Variants in PSMA1 observed in about 807,000 individuals in gnomAD.
The protein encoded by PSMA1 is proteasome subunit alpha type-1.
A neutral mutation model predicts 38.4 loss-of-function variants in PSMA1; 3 were observed. The ratio of observed to expected loss-of-function variants is 0.08; its 90% CI spans 0.04 to 0.20. The LOEUF is 0.20. Ranked by LOEUF, PSMA1 falls within the 10% of genes least tolerant of loss-of-function variation. The pLI, the probability that PSMA1 is intolerant of heterozygous loss-of-function variation, is 1.00. For missense variants in PSMA1, 227 were observed against 325.3 expected (o/e 0.70, Z 2.32); for synonymous variants, 101 against 107.1 (o/e 0.94, Z 0.35).
chr11:14,591,802 G>A (rs1029180144), intron 2 of PSMA1, among the ~76,000 whole-genome samples: 1 of 152,172 alleles, frequency 6.6e-6, no homozygotes, highest in African/African-American at 2.4e-5. Flanking sequence ...TCAGCAGGAT[G>A]TGGGTGGGGC....
chr11:14,523,096 T>C (rs574748619), upstream of PSMA1, among the ~76,000 whole-genome samples: 1 of 152,306 alleles, frequency 6.6e-6, no homozygotes, highest in South Asian at 2.1e-4. Context: ...TTGTCTGTAC[T>C]CTTCAGAATG....
At chr11:14,578,916 G>T (rs1053956987) in intron 2 of PSMA1, among the ~76,000 whole-genome samples, 4 of 152,162 alleles carry the variant, frequency 2.6e-5, no homozygotes, top group Non-Finnish European at 5.9e-5. Flanking sequence ...TTAGAGCCTG[G>T]TTTTTGCCAG....
intron 2 of PSMA1, among the ~76,000 whole-genome samples, chr11:14,601,508 T>TG (rs1332481452): frequency 6.6e-6 from 1 of 152,190 alleles, no homozygotes; most frequent in Non-Finnish European, 1.5e-5. Flanking sequence ...AGATATGGCC[T>TG]GGAGAAGATG....
intron 1 of PSMA1, among the ~76,000 whole-genome samples, chr11:14,629,797 T>G (rs1852974052): frequency 6.6e-6 from 1 of 151,460 alleles, no homozygotes; most frequent in African/African-American, 2.4e-5. Context: ...TTCCTACCCA[T>G]GAGCATGGAA....
At chr11:14,628,528 G>A (rs1328674351) in intron 1 of PSMA1, among the ~76,000 whole-genome samples, 2 of 150,398 alleles carry the variant, frequency 1.3e-5, no homozygotes, top group South Asian at 2.1e-4. Context: ...AGTATTCCAT[G>A]GTGTATATGT....
intron 2 of PSMA1, among the ~76,000 whole-genome samples, chr11:14,585,618 CAGAA>C (rs1852335732): frequency 6.6e-6 from 1 of 152,222 alleles, no homozygotes; most frequent in Admixed American, 6.5e-5. Context: ...CATTCCGACA[CAGAA>C]AGCACATAAA....
intron 1 of PSMA1, among the ~76,000 whole-genome samples, chr11:14,629,818 T>C (rs1201269056): frequency 1.3e-5 from 2 of 151,992 alleles, no homozygotes; most frequent in Non-Finnish European, 2.9e-5. Context: ...TGTTCTTCCA[T>C]TTGTTTGTAT....
At chr11:14,570,440 A>G (rs1218757798) in intron 2 of PSMA1, among the ~76,000 whole-genome samples, 1 of 152,184 alleles carries the variant, frequency 6.6e-6, no homozygotes, top group Non-Finnish European at 1.5e-5. Flanking sequence ...GGATGTTCAA[A>G]CCCATTGCAA....
chr11:14,603,530 C>T (rs557218859), intron 2 of PSMA1, among the ~76,000 whole-genome samples: 1 of 152,250 alleles, frequency 6.6e-6, no homozygotes, highest in East Asian at 1.9e-4. Context: ...ACTCAAAGTG[C>T]TTAGGTGTGT....
chr11:14,520,182 G>A lies in PSMA1; in HGVS notation c.3+115C>T, dbSNP rs1009477066. ...CTGCCGGAGCCCGGCCGTCTGCCGA[G>A]GCTCTCATACCTCGTGGCACCGGGC... On this transcript the variant is annotated intron_variant, in intron 1 of 9. Transcript: ENST00000396394. The A allele has an allele frequency of 1.2e-5, 18 of 1,500,468 alleles. No individual in the cohort carries two copies. The African/African-American group carries it at 2.1e-4, about 17-fold the overall frequency. 92.9% of individuals were successfully genotyped at this position (1,500,468 alleles called of 1,614,324 possible). A position where few individuals can be genotyped will look rare whatever the true frequency, so the allele number is the denominator to read the frequency against.
At chr11:14,570,815 C>T (rs562594876) in intron 2 of PSMA1, among the ~76,000 whole-genome samples, 1 of 152,296 alleles carries the variant, frequency 6.6e-6, no homozygotes, top group Non-Finnish European at 1.5e-5. Flanking sequence ...CCCAACCTAG[C>T]AAGGCAGGCC....
chr11:14,597,399 T>C (rs1358293662), intron 2 of PSMA1, among the ~76,000 whole-genome samples: 1 of 152,244 alleles, frequency 6.6e-6, no homozygotes, highest in Non-Finnish European at 1.5e-5. Context: ...TGGTAGGCTA[T>C]TAATTATTGC....
intron 2 of PSMA1, among the ~76,000 whole-genome samples, chr11:14,554,725 C>G (rs1372616286): frequency 6.6e-6 from 1 of 152,128 alleles, no homozygotes; most frequent in Non-Finnish European, 1.5e-5. Context: ...ATGTAAGATT[C>G]ACTTTTTTTA....
At chr11:14,605,271 C>A (rs1852629517) in intron 2 of PSMA1, among the ~76,000 whole-genome samples, 1 of 152,052 alleles carries the variant, frequency 6.6e-6, no homozygotes, top group South Asian at 2.1e-4. Context: ...TATATCACTG[C>A]AGTTTTGATT....
rs1851452159 is a variant in PSMA1 at position 14,517,701 on chromosome 11, A to G, written c.195T>C (p.His65=). The G allele has an allele frequency of 6.2e-7, 1 of 1,610,134 alleles. No homozygotes were observed. The highest frequency in any genetic ancestry group is 2.2e-5 in the East Asian group (1 of 44,820). Residue 65 remains histidine, a synonymous_variant, in exon 4 of 10, where the codon CAT becomes CAC. Coordinates refer to ENST00000396394, the MANE Select transcript of PSMA1 (RefSeq NM_002786.4). ...TTGAGATACCAATATGGTTGTCAAC[A>G]TGGAGAATTTTTTTCTGATGAGCTG... The part of the protein sequence containing the change: ...ELAAHQKKIL[H]VDNHIGISIA...
intron 8 of PSMA1, among the ~76,000 whole-genome samples, chr11:14,509,835 TGCCTCA>T (rs1851314635): frequency 6.7e-6 from 1 of 149,746 alleles, no homozygotes; most frequent in Non-Finnish European, 1.5e-5. Context: ...GCCATTCTCC[TGCCTCA>T]GCCTCCCGAG....
At chr11:14,546,599 G>A (rs577465791) in intron 2 of PSMA1, among the ~76,000 whole-genome samples, 9 of 151,964 alleles carry the variant, frequency 5.9e-5, no homozygotes, top group Admixed American at 2.0e-4. Context: ...CACCATGCCC[G>A]GCTAATTTTC....
intron 1 of PSMA1, 33 bp from the exon 2 acceptor site, chr11:14,519,074 G>A (rs11023247): frequency 0.016 from 23,381 of 1,484,506 alleles, 255 homozygotes; most frequent in Middle Eastern, 0.048. Context: ...CCTGTTAATA[G>A]AAGAACATTT....
chr11:14,634,046 C>T (rs1449761072), intron 1 of PSMA1, among the ~76,000 whole-genome samples: 1 of 152,162 alleles, frequency 6.6e-6, no homozygotes, highest in South Asian at 2.1e-4. Flanking sequence ...TCTGGCACTC[C>T]CTAGTGAGAT....
Sources: gnomAD v4.1 joint callset for allele counts (sites outside exome capture counted in the v4.1 genomes callset) on GRCh38, gnomAD v4.1.1 for gene constraint, MANE v1.5 for transcripts, NCBI Gene and HGNC (gene_info 2026-07-23, HGNC 2026-07-21) for gene names.